MIPOL1: variants seen among roughly 807,000 people sequenced by gnomAD.
MIPOL1 encodes mirror-image polydactyly gene 1 protein.
A neutral mutation model predicts 60.9 loss-of-function variants in MIPOL1; 57 were observed. That is an observed-to-expected ratio of 0.94 (90% CI 0.76 to 1.17). The LOEUF is 1.17. MIPOL1 is among the 50% of genes most tolerant of loss of function. The probability of loss-of-function intolerance (pLI) is 0.00; values close to 1 mark genes in which losing one functional copy is unlikely to be tolerated. For synonymous variants in MIPOL1, 179 were observed against 168.8 expected (o/e 1.06, Z -0.47); for missense variants, 551 against 511.6 (o/e 1.08, Z -0.74).
chr14:37,216,083 A>G (rs1967634035), intron 1 of MIPOL1, among the ~76,000 whole-genome samples: 1 of 149,034 alleles, frequency 6.7e-6, no homozygotes, highest in Non-Finnish European at 1.5e-5. Flanking sequence ...AAAAAAAGAA[A>G]GAAAAGAAAG....
chr14:37,224,286 C>A (rs185223116), intron 1 of MIPOL1, among the ~76,000 whole-genome samples: 2 of 152,158 alleles, frequency 1.3e-5, no homozygotes, highest in Admixed American at 1.3e-4. Flanking sequence ...TTGAGACCAG[C>A]CTGGGCAACA....
At chr14:37,364,174 G>A (rs8022280) in intron 9 of MIPOL1, among the ~76,000 whole-genome samples, 150,517 of 152,316 alleles carry the variant, frequency 0.99, 74,394 homozygotes, top group Middle Eastern at 1. Context: ...GAGATGAACT[G>A]GGTACTTTAG....
At position 37,285,566 on chromosome 14, in the gene MIPOL1, A is replaced by G. The variant is rs971469713; in HGVS notation, c.623+119A>G. 6 of 953,506 alleles carry G rather than the reference A, an allele frequency of 6.3e-6. No homozygotes were observed. In the Admixed American group the frequency reaches 8.6e-5, roughly 14 times the overall value. 59.1% of individuals were successfully genotyped at this position (953,506 alleles called of 1,614,324 possible). A position where few individuals can be genotyped will look rare whatever the true frequency, so the allele number is the denominator to read the frequency against. On this transcript the variant is annotated intron_variant, in intron 7 of 12. Transcript: ENST00000684589. ...CTTATGTGTTACACTAGGAAATTGC[A>G]TGTCTCCAGTCTTTTTCTTTTTTTC...
At chr14:37,475,560 T>C (rs532938948) in intron 11 of MIPOL1, among the ~76,000 whole-genome samples, 9 of 152,220 alleles carry the variant, frequency 5.9e-5, no homozygotes, top group Non-Finnish European at 1.3e-4. Flanking sequence ...TTTGTTTTGC[T>C]GTTATAGTCC....
At chr14:37,407,483 A>G (rs945886639) in intron 10 of MIPOL1, among the ~76,000 whole-genome samples, 5 of 152,178 alleles carry the variant, frequency 3.3e-5, no homozygotes, top group African/African-American at 7.2e-5. Flanking sequence ...AGTCATATTT[A>G]CCTTTTAAAG....
At chr14:37,334,244 T>G (rs2089946447) in intron 9 of MIPOL1, among the ~76,000 whole-genome samples, 1 of 152,072 alleles carries the variant, frequency 6.6e-6, no homozygotes, top group Admixed American at 6.5e-5. Context: ...TTCAAAGAAT[T>G]TATTCATCTG....
intron 12 of MIPOL1, among the ~76,000 whole-genome samples, chr14:37,521,607 C>T (rs1386518145): frequency 1.3e-5 from 2 of 151,980 alleles, no homozygotes; most frequent in East Asian, 1.9e-4. Context: ...AAAAAAATTA[C>T]GCTCTAAAAC....
intron 11 of MIPOL1, among the ~76,000 whole-genome samples, chr14:37,434,222 A>G (rs2094125435): frequency 1.3e-5 from 2 of 152,138 alleles, no homozygotes; most frequent in African/African-American, 4.8e-5. Flanking sequence ...AATGATCACC[A>G]TTCTAACTGG....
intron 11 of MIPOL1, among the ~76,000 whole-genome samples, chr14:37,464,593 A>T (rs2094576852): frequency 6.6e-6 from 1 of 152,156 alleles, no homozygotes; most frequent in African/African-American, 2.4e-5. Context: ...GTGGGGTAGG[A>T]GGAAGAAGGA....
At chr14:37,279,846 C>A (rs985564337) in intron 6 of MIPOL1, among the ~76,000 whole-genome samples, 6 of 152,120 alleles carry the variant, frequency 3.9e-5, no homozygotes, top group Non-Finnish European at 8.8e-5. Context: ...CATTACTCTT[C>A]ATTATAAGTC....
At chr14:37,364,128 A>G (rs1035624418) in intron 9 of MIPOL1, among the ~76,000 whole-genome samples, 1 of 152,190 alleles carries the variant, frequency 6.6e-6, no homozygotes, top group Non-Finnish European at 1.5e-5. Context: ...TGGCTTACCC[A>G]CTGTGGGCTG....
At chr14:37,479,343 G>T (rs545161795) in intron 11 of MIPOL1, among the ~76,000 whole-genome samples, 1 of 152,190 alleles carries the variant, frequency 6.6e-6, no homozygotes, top group African/African-American at 2.4e-5. Flanking sequence ...ATCATATCAA[G>T]TATTTTTTTG....
At chr14:37,279,265 A>T (rs971385206) in intron 6 of MIPOL1, among the ~76,000 whole-genome samples, 1 of 149,516 alleles carries the variant, frequency 6.7e-6, no homozygotes, top group Non-Finnish European at 1.5e-5. Flanking sequence ...GACATACGAG[A>T]TGCAATTAAC....
intron 11 of MIPOL1, among the ~76,000 whole-genome samples, chr14:37,473,575 A>T (rs2094721703): frequency 6.6e-6 from 1 of 152,094 alleles, no homozygotes; most frequent in Non-Finnish European, 1.5e-5. Flanking sequence ...GAATTCAATT[A>T]ATAGACTTTC....
At chr14:37,293,839 A>C (rs1314342574) in intron 7 of MIPOL1, among the ~76,000 whole-genome samples, 1 of 152,202 alleles carries the variant, frequency 6.6e-6, no homozygotes, top group Non-Finnish European at 1.5e-5. Flanking sequence ...GGCCCACCAC[A>C]GCTCAAGGAG....
intron 9 of MIPOL1, among the ~76,000 whole-genome samples, chr14:37,357,723 T>C (rs1299383869): frequency 6.6e-6 from 1 of 152,076 alleles, no homozygotes; most frequent in Non-Finnish European, 1.5e-5. Flanking sequence ...CTCTTCTCTT[T>C]ATTGATTGTT....
chr14:37,273,357 T>C (rs2083432342), intron 6 of MIPOL1, among the ~76,000 whole-genome samples: 1 of 150,936 alleles, frequency 6.6e-6, no homozygotes, highest in Non-Finnish European at 1.5e-5. Context: ...AAAAAAAACA[T>C]TGCTTTCAAA....
At chr14:37,302,110 T>G (rs2086318581) in intron 7 of MIPOL1, among the ~76,000 whole-genome samples, 1 of 146,542 alleles carries the variant, frequency 6.8e-6, no homozygotes, top group South Asian at 2.2e-4. Flanking sequence ...ATCAGTTGAG[T>G]AAACCCAGTA....
At chr14:37,355,899 T>C in intron 9 of MIPOL1, among the ~76,000 whole-genome samples, 1 of 148,608 alleles carries the variant, frequency 6.7e-6, no homozygotes, top group Admixed American at 6.8e-5. Context: ...AGCCTTCTTC[T>C]CTCAGCTCGT....
Sources: gnomAD v4.1 joint callset for allele counts (sites outside exome capture counted in the v4.1 genomes callset) on GRCh38, gnomAD v4.1.1 for gene constraint, MANE v1.5 for transcripts, NCBI Gene and HGNC (gene_info 2026-07-23, HGNC 2026-07-21) for gene names.